The following FGD5 variants were observed in gnomAD, a reference collection of about 807,000 sequenced individuals.
FGD5 encodes the protein FYVE, RhoGEF and PH domain-containing protein 5.
In FGD5, 28 loss-of-function variants were observed where a neutral mutation model predicts 133.4. That is an observed-to-expected ratio of 0.21 (90% CI 0.16 to 0.29). The LOEUF is 0.29. Ranked by LOEUF, FGD5 falls within the 10% of genes least tolerant of loss-of-function variation. FGD5 has a pLI of 1.00. For missense variants in FGD5, 1,858 were observed against 1,895.2 expected, an observed-to-expected ratio of 0.98 and a Z score of 0.36; for synonymous variants, 810 against 776.5, an observed-to-expected ratio of 1.04 and a Z score of -0.72.
chr3:14,885,433 C>T (rs375358252), intron 4 of FGD5, among the ~76,000 whole-genome samples: 3 of 152,264 alleles, frequency 2.0e-5, no homozygotes, highest in South Asian at 2.1e-4. Flanking sequence ...CAGGTGCAGT[C>T]GTGAGTTTGC....
Position 14,902,432 on chromosome 3 carries a change from G to T in FGD5, c.3264+1371G>T, listed in dbSNP as rs34175897. 2.0e-5 allele frequency among the ~76,000 whole-genome samples: 3 copies of T among 152,150 alleles called. No homozygotes were observed. In the South Asian group the frequency reaches 6.2e-4, roughly 32 times the overall value. ...GTTGGACGGTGCATGTTGGAGTTCAGAGAGCCACCTGCTAGGTGGCTAGGC... is the reference window on the plus strand; with the variant it reads ...GTTGGACGGTGCATGTTGGAGTTCATAGAGCCACCTGCTAGGTGGCTAGGC... On this transcript the variant is annotated intron_variant, in intron 9 of 19. Transcript: ENST00000285046.
chr3:14,846,867 CTG>C (rs565814378), intron 1 of FGD5, among the ~76,000 whole-genome samples: 138 of 152,330 alleles, frequency 9.1e-4, no homozygotes, highest in African/African-American at 3.2e-3. Context: ...TGTTTGTAGA[CTG>C]TGAAGTGCTG....
At chr3:14,861,047 A>G (rs1478926859) in intron 1 of FGD5, among the ~76,000 whole-genome samples, 1 of 152,192 alleles carries the variant, frequency 6.6e-6, no homozygotes, top group African/African-American at 2.4e-5. Flanking sequence ...AGGTATTATC[A>G]CTTAGGATGA....
chr3:14,910,784 A>C, intron 10 of FGD5, 77 bp from the exon 11 acceptor site: 1 of 1,378,672 alleles, frequency 7.3e-7, no homozygotes, highest in Non-Finnish European at 1.0e-6. Context: ...GTTTCCACTC[A>C]GGGGCCTCCC....
At chr3:14,872,571 G>A (rs1162989792) in intron 2 of FGD5, among the ~76,000 whole-genome samples, 2 of 152,226 alleles carry the variant, frequency 1.3e-5, no homozygotes, top group Non-Finnish European at 2.9e-5. Flanking sequence ...TATAGGAGGA[G>A]CTGTGGATAT....
At chr3:14,815,062 A>G (rs1391257904), upstream of FGD5, among the ~76,000 whole-genome samples, 1 of 151,808 alleles carries the variant, frequency 6.6e-6, no homozygotes, top group East Asian at 1.9e-4. Context: ...CTTCCTCACC[A>G]TTTCAGTTTA....
intron 1 of FGD5, among the ~76,000 whole-genome samples, chr3:14,827,974 AATTACATG>A (rs1308360180): frequency 6.6e-6 from 1 of 152,204 alleles, no homozygotes. Flanking sequence ...ATGCAGCTCG[AATTACATG>A]CCCAGGAGTT....
rs377652729 is a variant in FGD5, at chr3:14,916,473, C to T, written c.3406-776C>T. 4.5e-4 allele frequency among the ~76,000 whole-genome samples: 69 copies of T among 152,280 alleles called. No homozygotes were observed. The South Asian group carries it at 0.014, about 32-fold the overall frequency. Reference sequence around the variant, plus strand: ...ATTGAGCACCTACTCTGTGAAGGGACCTGGAAGTACAGCAGCAAGCAGGGC... The same window carrying T: ...ATTGAGCACCTACTCTGTGAAGGGATCTGGAAGTACAGCAGCAAGCAGGGC... On this transcript the variant is annotated intron_variant, in intron 11 of 19. Coordinates refer to ENST00000285046, the MANE Select transcript of FGD5 (RefSeq NM_152536.4).
rs143164902 is a variant in FGD5 at position 14,895,394 on chromosome 3, T to C, written c.2749-2115T>C. Among the ~76,000 whole-genome samples, 6 of 152,364 alleles carry C rather than the reference T, an allele frequency of 3.9e-5. No homozygotes were observed. In the East Asian group the frequency reaches 9.6e-4, roughly 24 times the overall value. Reference sequence around the variant, plus strand: ...TTTGGCTTTTGTGTATAGTGATAGATAGAGGTCTAGTGTCATTCTTCTGCA... The same window carrying C: ...TTTGGCTTTTGTGTATAGTGATAGACAGAGGTCTAGTGTCATTCTTCTGCA... On this transcript the variant is annotated intron_variant, in intron 4 of 19. Coordinates refer to ENST00000285046, the MANE Select transcript of FGD5 (RefSeq NM_152536.4).
chr3:14,828,460 G>A (rs1176127950), intron 1 of FGD5, among the ~76,000 whole-genome samples: 5 of 152,216 alleles, frequency 3.3e-5, no homozygotes. Context: ...TCTGCAGACA[G>A]GGAGGAGGAT....
intron 1 of FGD5, among the ~76,000 whole-genome samples, chr3:14,843,693 T>TTTTC: frequency 7.1e-6 from 1 of 141,084 alleles, no homozygotes; most frequent in African/African-American, 2.7e-5. Flanking sequence ...GTGCTTTTTT[T>TTTTC]TTTTTTTTTT....
At chr3:14,906,302 C>T (rs1407976151) in intron 9 of FGD5, among the ~76,000 whole-genome samples, 2 of 152,218 alleles carry the variant, frequency 1.3e-5, no homozygotes, top group Admixed American at 1.3e-4. Context: ...CCCTCCATGG[C>T]GGCTGAGCTC....
chr3:14,911,442 T>G (rs1364158028), intron 11 of FGD5, among the ~76,000 whole-genome samples: 1 of 152,142 alleles, frequency 6.6e-6, no homozygotes, highest in African/African-American at 2.4e-5. Flanking sequence ...GCCCCAATCC[T>G]GAGACCTCCA....
chr3:14,917,420 C>A lies in FGD5; in HGVS notation c.3489+88C>A. 8.1e-7 allele frequency: 1 copy of A among 1,237,804 alleles called. No individual in the cohort carries two copies. The highest frequency in any genetic ancestry group is 1.1e-6 in the Non-Finnish European group (1 of 872,434). The allele number at this position is 1,237,804 out of a possible 1,614,324, so 76.7% of individuals were successfully genotyped here. The stretch of plus-strand genomic sequence containing the variant: ...ACAGCATCCTGCTCCCAGGAGCACC[C>A]AGACCAGCTGGAAGAGGGAGGCCCT... On this transcript the variant is annotated intron_variant, in intron 12 of 19. Coordinates refer to ENST00000285046, the MANE Select transcript of FGD5 (RefSeq NM_152536.4). This position sits in a 1 kb window ranked among gnomAD's most constrained non-coding sequence, Gnocchi z 4.1.
At position 14,821,473 on chromosome 3, in the gene FGD5, C is replaced by G. The variant is rs375315608; in HGVS notation, c.2402C>G (p.Thr801Arg). ...AGACCTGCCAGGGCTGGCGCGTTCA[C>G]GAAGCTGTTTGAAGATCAGAGCAGA... ...PRRPARAGAFTKLFEDQSRAL... is the reference protein window; with the variant it reads ...PRRPARAGAFRKLFEDQSRAL... The change falls in exon 1 of 20, where the codon ACG becomes AGG. Residue 801 changes from threonine (T) to arginine (R), a missense_variant. Transcript: ENST00000285046. The G allele has an allele frequency of 6.2e-7, 1 of 1,613,988 alleles. No individual in the cohort carries two copies. The highest frequency in any genetic ancestry group is 1.6e-4 in the Middle Eastern group (1 of 6,062).
At position 14,843,761 on chromosome 3, in the gene FGD5, G is replaced by A. The variant is rs375083157; in HGVS notation, c.2526-20367G>A. ...GCTGGGGTGCAGTGGCGTGATCTCG[G>A]CTTACTGCAACCTCTGCCTCCTGGG... On this transcript the variant is annotated intron_variant, in intron 1 of 19. Coordinates refer to ENST00000285046, the MANE Select transcript of FGD5 (RefSeq NM_152536.4). 5.0e-4 allele frequency among the ~76,000 whole-genome samples: 75 copies of A among 149,088 alleles called. No homozygotes were observed. In the South Asian group the frequency reaches 0.016, roughly 32 times the overall value.
chr3:14,891,066 C>G (rs1376946530), intron 4 of FGD5, among the ~76,000 whole-genome samples: 2 of 152,188 alleles, frequency 1.3e-5, no homozygotes, highest in Admixed American at 6.5e-5. Flanking sequence ...CAGACAATGC[C>G]CACACAAGAG....
At chr3:14,890,774 T>C (rs910676461) in intron 4 of FGD5, among the ~76,000 whole-genome samples, 6 of 152,230 alleles carry the variant, frequency 3.9e-5, no homozygotes, top group African/African-American at 1.4e-4. Flanking sequence ...GAGCAATTAA[T>C]ATTTAAGCTC....
At chr3:14,896,270 A>G (rs115122299) in intron 4 of FGD5, among the ~76,000 whole-genome samples, 12,852 of 152,250 alleles carry the variant, frequency 0.084, 784 homozygotes, top group East Asian at 0.29. Flanking sequence ...ATTCTTCACA[A>G]AAATAGAAAA....
Sources: allele counts gnomAD v4.1 joint callset (sites outside exome capture counted in the v4.1 genomes callset), GRCh38; gene constraint gnomAD v4.1.1; non-coding constraint Gnocchi (gnomAD v3.1); transcripts MANE v1.5; gene names NCBI Gene and HGNC (gene_info 2026-07-23, HGNC 2026-07-21).